Variants in TBX18 observed in about 807,000 individuals in gnomAD.
TBX18 encodes T-box transcription factor 18, also known as T-box transcription factor TBX18.
Under a neutral mutation model 55.0 loss-of-function variants are expected in TBX18, and 21 were observed. The observed-to-expected ratio is 0.38, with a 90% confidence interval of 0.27 to 0.55. The LOEUF is 0.55. Among genes scored for constraint, TBX18 ranks in the 20% least tolerant of loss-of-function variants. The pLI is 0.73. For missense variants in TBX18, 840 were observed against 799.6 expected, an observed-to-expected ratio of 1.05 and a Z score of -0.61; for synonymous variants, 342 against 326.1, an observed-to-expected ratio of 1.05 and a Z score of -0.53.
In TBX18 at chr6:84,745,675, C is replaced by T. The variant is rs140647360; in HGVS notation, c.940-1350G>A. 4.0e-3 allele frequency among the ~76,000 whole-genome samples: 603 copies of T among 152,146 alleles called. 3 individuals carry two copies. The highest frequency in any genetic ancestry group is 0.011 in the African/African-American group (454 of 41,546). On this transcript the variant is annotated intron_variant, in intron 5 of 7. Coordinates refer to ENST00000369663, the MANE Select transcript of TBX18 (RefSeq NM_001080508.3). ...AGATCAATATAGCTCAATTTTCTGT[C>T]TATTTTAATAATGTTTAAAAACATT...
At chr6:84,759,353 G>C (rs1431032872) in intron 3 of TBX18, among the ~76,000 whole-genome samples, 1 of 152,028 alleles carries the variant, frequency 6.6e-6, no homozygotes, top group Non-Finnish European at 1.5e-5. Flanking sequence ...AAACAAATCT[G>C]ATTTTGTTTA....
rs1773943168 is a variant in TBX18 at position 84,736,412 on chromosome 6, A to G, written c.*273T>C. On this transcript the variant is annotated 3_prime_UTR_variant, in exon 8 of 8. Transcript: ENST00000369663. Reference sequence around the variant, plus strand: ...AAAAGAGTCTGAGAACTTTGCTTAAACATACTACACGCATGCCAATACTCC... The same window carrying G: ...AAAAGAGTCTGAGAACTTTGCTTAAGCATACTACACGCATGCCAATACTCC... 4 of 264,452 alleles carry G rather than the reference A, an allele frequency of 1.5e-5. No homozygotes were observed. Among genetic ancestry groups the G allele is most frequent in the African/African-American group, 2.2e-5 (1 of 45,636 alleles). The allele number at this position is 264,452 out of a possible 1,614,324, so 16.4% of individuals were successfully genotyped here.
Position 84,736,817 on chromosome 6 carries a change from C to T in TBX18, c.1692G>A (p.Thr564=), listed in dbSNP as rs757361472. The T allele has an allele frequency of 1.3e-5, 21 of 1,614,126 alleles. No homozygotes were observed. The highest frequency in any genetic ancestry group is 2.2e-5 in the South Asian group (2 of 91,056). ...FLGSSPSGTM[T]DRQMLPPVEG... is the part of the protein sequence containing the mutation. ...CCACAGGGGGCAACATCTGCCGATC[C>T]GTCATGGTCCCACTCGGTGAGGACC... Residue 564 remains threonine, a synonymous_variant, in exon 8 of 8, where the codon ACG becomes ACA. Coordinates refer to ENST00000369663, the MANE Select transcript of TBX18 (RefSeq NM_001080508.3).
At position 84,733,351 on chromosome 6, in the gene TBX18, C is replaced by T. The variant is rs1161501727; in HGVS notation, c.*3334G>A. On this transcript the variant is annotated 3_prime_UTR_variant, in exon 8 of 8. Transcript: ENST00000369663. ...GAAAGGATGAACAATGAGATTAAAA[C>T]ACAACATGGTAATAATTTAATACAA... 2 of 152,098 alleles carry T rather than the reference C, an allele frequency of 1.3e-5. No individual in the cohort carries two copies. The highest frequency in any genetic ancestry group is 2.9e-5 in the Non-Finnish European group (2 of 68,014). The allele number at this position is 152,098 out of a possible 1,614,324, so 9.4% of individuals were successfully genotyped here.
intron 5 of TBX18, among the ~76,000 whole-genome samples, chr6:84,747,053 A>C (rs1330270922): frequency 3.3e-5 from 5 of 152,066 alleles, no homozygotes; most frequent in Admixed American, 2.0e-4. Flanking sequence ...GATAGGATCC[A>C]AATCTTCTAA....
intron 6 of TBX18, among the ~76,000 whole-genome samples, chr6:84,739,542 C>T (rs1766993763): frequency 6.6e-6 from 1 of 152,154 alleles, no homozygotes; most frequent in South Asian, 2.1e-4. Flanking sequence ...CATCACTCTT[C>T]CTTCAACCAC....
At chr6:84,754,182 C>A (rs779700572) in intron 4 of TBX18, among the ~76,000 whole-genome samples, 3 of 152,188 alleles carry the variant, frequency 2.0e-5, no homozygotes, top group African/African-American at 4.8e-5. Context: ...CCTGCCTCGG[C>A]CTCCCAAAGT....
At chr6:84,741,121 G>A (rs1767036682) in intron 6 of TBX18, 1 of 152,166 alleles carries the variant, frequency 6.6e-6, no homozygotes. Flanking sequence ...TATTTTGCAG[G>A]AAACAGTTAT....
intron 5 of TBX18, 115 bp downstream of exon 5, chr6:84,747,805 G>A (rs1242404988): frequency 2.1e-6 from 2 of 954,270 alleles, no homozygotes; most frequent in African/African-American, 1.7e-5. Context: ...CACTTTGAAT[G>A]TCATATATGG....
At chr6:84,738,363 AGATG>A in intron 7 of TBX18, 130 bp downstream of exon 7, 1 of 771,010 alleles carries the variant, frequency 1.3e-6, no homozygotes, top group African/African-American at 1.7e-5. Flanking sequence ...TGCAGAAGAC[AGATG>A]GAATCTGTAG....
intron 6 of TBX18, among the ~76,000 whole-genome samples, chr6:84,740,845 A>G (rs1237929555): frequency 3.9e-5 from 6 of 152,214 alleles, no homozygotes; most frequent in Non-Finnish European, 8.8e-5. Context: ...AAGATAATTA[A>G]CAAGCAACCA....
At chr6:84,755,799 T>C (rs1767471438) in intron 4 of TBX18, among the ~76,000 whole-genome samples, 1 of 152,236 alleles carries the variant, frequency 6.6e-6, no homozygotes, top group Non-Finnish European at 1.5e-5. Flanking sequence ...AGACATTGTT[T>C]AGCAACTTCC....
intron 4 of TBX18, among the ~76,000 whole-genome samples, chr6:84,748,340 A>C (rs116939872): frequency 0.014 from 2,130 of 152,308 alleles, 21 homozygotes; most frequent in Non-Finnish European, 0.02. Context: ...ACTTAATATC[A>C]AATTTTCTGT....
rs753798713 is a variant in TBX18, at chr6:84,737,160, G to A, written c.1349C>T (p.Ala450Val). Residue 450 changes from alanine to valine, a missense_variant, in exon 8 of 8, where the codon GCC (alanine) becomes GTC (valine). By Grantham distance (64) the Ala-to-Val change is moderately conservative (BLOSUM62 0). Transcript: ENST00000369663. Reference sequence around the variant, plus strand: ...CACATAGGAGGGAGTCCTGGGCGGGGCAAAGGTCTCACCAGCCTGGTTGGT... The same window carrying A: ...CACATAGGAGGGAGTCCTGGGCGGGACAAAGGTCTCACCAGCCTGGTTGGT... ...RLTNQAGETF[A>V]PPRTPSYVGV... The A allele has an allele frequency of 3.1e-6, 5 of 1,613,888 alleles. No homozygotes were observed. The highest frequency in any genetic ancestry group is 2.2e-5 in the East Asian group (1 of 44,878).
In TBX18 at chr6:84,762,441, A is replaced by G. The variant is rs1276639016; in HGVS notation, c.497+103T>C. The G allele has an allele frequency of 3.3e-5, 46 of 1,382,658 alleles. No homozygotes were observed. The Middle Eastern group carries it at 1.1e-3, about 34-fold the overall frequency. 85.6% of individuals were successfully genotyped at this position (1,382,658 alleles called of 1,614,324 possible). ...TCCCGTTTGACCGAAAATGCTATCC[A>G]GAACCCCCACCGAGCTGCAGGCCCT... On this transcript the variant is annotated intron_variant, in intron 2 of 7. Transcript: ENST00000369663.
chr6:84,753,885 A>G (rs1356799063), intron 4 of TBX18, among the ~76,000 whole-genome samples: 1 of 152,070 alleles, frequency 6.6e-6, no homozygotes, highest in East Asian at 1.9e-4. Context: ...TTCTCTCCCC[A>G]CATAGGCTAG....
At chr6:84,763,425 CT>C in intron 1 of TBX18, 1 of 459,552 alleles carries the variant, frequency 2.2e-6, no homozygotes, top group South Asian at 1.5e-5. Flanking sequence ...CTCAACTACC[CT>C]TCGGGAAACC....
chr6:84,746,599 T>A (rs1176557685), intron 5 of TBX18, among the ~76,000 whole-genome samples: 2 of 146,932 alleles, frequency 1.4e-5, no homozygotes, highest in Non-Finnish European at 3.0e-5. Context: ...AATGTATATA[T>A]CTTATATATT....
rs1337752122 is a variant in TBX18 at position 84,762,402 on chromosome 6, G to A, written c.497+142C>T. ...AAAGCTAGCCTCCAAAGTGAACCAC[G>A]GTCTGGGGCCTGGTCCCGTTTGACC... On this transcript the variant is annotated intron_variant, in intron 2 of 7. Coordinates refer to ENST00000369663, the MANE Select transcript of TBX18 (RefSeq NM_001080508.3). 13 of 985,106 alleles carry A rather than the reference G, an allele frequency of 1.3e-5. No individual in the cohort carries two copies. The East Asian group carries it at 2.6e-4, about 20-fold the overall frequency. 61.0% of individuals were successfully genotyped at this position (985,106 alleles called of 1,614,324 possible).
Sources: allele counts gnomAD v4.1 joint callset (sites outside exome capture counted in the v4.1 genomes callset), GRCh38; gene constraint gnomAD v4.1.1; transcripts MANE v1.5; gene names NCBI Gene and HGNC (gene_info 2026-07-23, HGNC 2026-07-21).